The following COQ5 variants were observed in gnomAD, a reference collection of about 807,000 sequenced individuals.
COQ5 encodes the protein coenzyme Q5, methyltransferase.
In COQ5, 27 loss-of-function variants were observed where a neutral mutation model predicts 40.5. The ratio of observed to expected loss-of-function variants is 0.67; its 90% CI spans 0.49 to 0.92. The LOEUF (loss-of-function observed/expected upper bound fraction) is 0.92. COQ5 is among the 40% of genes least tolerant of loss of function. The pLI is 0.00. For missense variants in COQ5, 409 were observed against 406.4 expected (o/e 1.01, Z -0.06); for synonymous variants, 141 against 150.0 (o/e 0.94, Z 0.44).
At position 120,522,564 on chromosome 12, in the gene COQ5, T is replaced by C. The variant is rs559290775; in HGVS notation, c.203-201A>G. The C allele has an allele frequency of 2.1e-4, 139 of 649,076 alleles. No homozygotes were observed. In the African/African-American group the frequency reaches 2.4e-3, roughly 11 times the overall value. The allele number at this position is 649,076 out of a possible 1,614,324, so 40.2% of individuals were successfully genotyped here. A position where few individuals can be genotyped will look rare whatever the true frequency, so the allele number is the denominator to read the frequency against. ...TTTTTTTTTCCTGCCTCAGATTTAT[T>C]TGTACAAATAGCACAGGAGGACCCC... is the stretch of plus-strand genomic sequence containing the variant. On this transcript the variant is annotated intron_variant, in intron 1 of 6. Transcript: ENST00000288532.
rs770913958 is a variant in COQ5 at position 120,503,969 on chromosome 12, C to T, written c.882+1G>A. ...TGTTTAAAGCTATAGAAGTTTCATACCTGAGACGGAAACCTTCGGATACTC... is the reference window on the plus strand; with the variant it reads ...TGTTTAAAGCTATAGAAGTTTCATATCTGAGACGGAAACCTTCGGATACTC... On this transcript the variant is annotated splice_donor_variant, in intron 6 of 6. Coordinates refer to ENST00000288532, the MANE Select transcript of COQ5 (RefSeq NM_032314.4). LOFTEE classifies it high-confidence loss of function. 4 of 1,608,820 alleles carry T rather than the reference C, an allele frequency of 2.5e-6. No homozygotes were observed. The highest frequency in any genetic ancestry group is 2.6e-6 in the Non-Finnish European group (3 of 1,175,126).
intron 2 of COQ5, among the ~76,000 whole-genome samples, chr12:120,519,086 T>C (rs2137088171): frequency 6.6e-6 from 1 of 152,360 alleles, no homozygotes; most frequent in East Asian, 1.9e-4. Flanking sequence ...CTTGTAAGTT[T>C]TCCTTATTGT....
At chr12:120,504,532 G>A (rs532785899) in intron 5 of COQ5, 1 of 319,004 alleles carries the variant, frequency 3.1e-6, no homozygotes, top group South Asian at 2.8e-5. Flanking sequence ...ACAAGCATGA[G>A]CCACTGCACT....
At chr12:120,523,969 C>T (rs1001298206) in intron 1 of COQ5, 1 of 394,704 alleles carries the variant, frequency 2.5e-6, no homozygotes, top group South Asian at 1.8e-5. Flanking sequence ...GAAATTGGAC[C>T]ACTGCATTCC....
rs370720525 is a variant in COQ5, at chr12:120,513,665, G to A, written c.574+2902C>T. 3.4e-4 allele frequency among the ~76,000 whole-genome samples: 52 copies of A among 151,178 alleles called. No homozygotes were observed. In the East Asian group the frequency reaches 8.2e-3, roughly 24 times the overall value. Reference sequence around the variant, plus strand: ...CTCCTGAGTAGCTGGGATTACAGGCGCGCACCACCACGCCTGGCTAATTTT... The same window carrying A: ...CTCCTGAGTAGCTGGGATTACAGGCACGCACCACCACGCCTGGCTAATTTT... On this transcript the variant is annotated intron_variant, in intron 3 of 6. Coordinates refer to ENST00000288532, the MANE Select transcript of COQ5 (RefSeq NM_032314.4).
In COQ5 at chr12:120,522,159, C is replaced by T; in HGVS notation, c.352+55G>A. 5.0e-6 allele frequency: 8 copies of T among 1,597,326 alleles called. No individual in the cohort carries two copies. The South Asian group carries it at 8.8e-5, about 18-fold the overall frequency. On this transcript the variant is annotated intron_variant, in intron 2 of 6. Coordinates refer to ENST00000288532, the MANE Select transcript of COQ5 (RefSeq NM_032314.4). ...GTGAGCTAGCTCATTACAAGAGAGA[C>T]TAATTTCTGTAAAACATGCTCAATG... is the stretch of plus-strand genomic sequence containing the variant.
intron 2 of COQ5, among the ~76,000 whole-genome samples, chr12:120,519,171 G>A (rs560110349): frequency 1.3e-4 from 20 of 152,246 alleles, no homozygotes; most frequent in Middle Eastern, 3.4e-3. Flanking sequence ...GGAAGAAATA[G>A]GTTATTTCCA....
intron 2 of COQ5, among the ~76,000 whole-genome samples, chr12:120,519,299 C>T (rs1255563692): frequency 3.3e-5 from 5 of 152,176 alleles, no homozygotes; most frequent in Admixed American, 3.3e-4. Flanking sequence ...TGGGTCAGGC[C>T]TGTAATCTCA....
chr12:120,521,064 GTTT>G (rs35534303), intron 2 of COQ5, among the ~76,000 whole-genome samples: 1 of 123,700 alleles, frequency 8.1e-6, no homozygotes, highest in Admixed American at 8.4e-5. Context: ...GTAATCCTGC[GTTT>G]TTTTTTTTTT....
chr12:120,516,612 G>C lies in COQ5; in HGVS notation c.529C>G (p.Leu177Val). Residue 177 changes from leucine (L) to valine (V), a missense_variant, in exon 3 of 7, where the codon CTA becomes GTA. Coordinates refer to ENST00000288532, the MANE Select transcript of COQ5 (RefSeq NM_032314.4). Reference sequence around the variant, plus strand: ...AAGGCTTTCTGCTTTCCAACCTTTAGCATCTCCTTGTTGATGTCACACACC... The same window carrying C: ...AAGGCTTTCTGCTTTCCAACCTTTACCATCTCCTTGTTGATGTCACACACC... ...VVVCDINKEMLKVGKQKALAQ... is the reference protein window; with the variant it reads ...VVVCDINKEMVKVGKQKALAQ... The C allele has an allele frequency of 1.9e-6, 3 of 1,614,060 alleles. No individual in the cohort carries two copies. Among genetic ancestry groups the C allele is most frequent in the Non-Finnish European group, 2.5e-6 (3 of 1,180,008 alleles).
intron 3 of COQ5, among the ~76,000 whole-genome samples, chr12:120,512,007 C>A (rs1195461666): frequency 4.6e-5 from 7 of 151,714 alleles, no homozygotes; most frequent in Admixed American, 4.6e-4. Flanking sequence ...GTCAGGAGTT[C>A]AAGACCATCC....
At chr12:120,516,838 A>G (rs1565931629) in intron 2 of COQ5, 50 bp from the exon 3 acceptor site, 1 of 1,529,040 alleles carries the variant, frequency 6.5e-7, no homozygotes, top group Non-Finnish European at 9.1e-7. Flanking sequence ...AAAAATAAAA[A>G]AGGAAGAAAC....
At chr12:120,512,766 T>C (rs976495793) in intron 3 of COQ5, among the ~76,000 whole-genome samples, 11 of 152,120 alleles carry the variant, frequency 7.2e-5, no homozygotes, top group Non-Finnish European at 1.5e-5. Context: ...TTCTTCTTAA[T>C]ACTTTTCCAG....
chr12:120,516,767 A>G lies in COQ5; in HGVS notation c.374T>C (p.Leu125Pro), dbSNP rs775646935. 6.2e-7 allele frequency: 1 copy of G among 1,614,214 alleles called. No individual in the cohort carries two copies. Among genetic ancestry groups the G allele is most frequent in the Admixed American group, 1.7e-5 (1 of 60,020 alleles). The change falls in exon 3 of 7, where the codon CTT (leucine) becomes CCT (proline). Residue 125 changes from leucine (L) to proline (P), a missense_variant. Coordinates refer to ENST00000288532, the MANE Select transcript of COQ5 (RefSeq NM_032314.4). Reference sequence around the variant, plus strand: ...CTGATGCTGGGACTGAACATAATTAAGGAACCGGAATGCAATGTCACCTGT... The same window carrying G: ...CTGATGCTGGGACTGAACATAATTAGGGAACCGGAATGCAATGTCACCTGT... ...GGTGDIAFRF[L>P]NYVQSQHQRK...
chr12:120,522,382 A>G lies in COQ5; in HGVS notation c.203-19T>C. On this transcript the variant is annotated intron_variant, in intron 1 of 6. Coordinates refer to ENST00000288532, the MANE Select transcript of COQ5 (RefSeq NM_032314.4). ...TGATAGACTGACATGGGAGAAACAC[A>G]CACAATAGTGCTATTAACAGAATTC... The G allele has an allele frequency of 6.2e-7, 1 of 1,611,588 alleles. No homozygotes were observed. Among genetic ancestry groups the G allele is most frequent in the Non-Finnish European group, 8.5e-7 (1 of 1,177,660 alleles).
At chr12:120,517,022 G>GA (rs1394181878) in intron 2 of COQ5, among the ~76,000 whole-genome samples, 1 of 151,960 alleles carries the variant, frequency 6.6e-6, no homozygotes, top group Non-Finnish European at 1.5e-5. Context: ...TGTGAACGTG[G>GA]AAGTTTCTAC....
chr12:120,514,082 C>T (rs188783185), intron 3 of COQ5, among the ~76,000 whole-genome samples: 8 of 152,212 alleles, frequency 5.3e-5, no homozygotes, highest in African/African-American at 1.9e-4. Context: ...CTTTGTTTTC[C>T]GTTCTTTATG....
At chr12:120,508,514 TCA>T (rs974823785) in intron 4 of COQ5, among the ~76,000 whole-genome samples, 8 of 152,172 alleles carry the variant, frequency 5.3e-5, no homozygotes, top group African/African-American at 1.9e-4. Context: ...AATAAGGATG[TCA>T]CAAAGTTGTG....
Position 120,529,124 on chromosome 12 carries a change from G to T in COQ5, c.18C>A (p.Ser6Arg), listed in dbSNP as rs1402957955. Residue 6 changes from serine to arginine, a missense_variant, in exon 1 of 7, where the codon AGC (serine) becomes AGA (arginine). By Grantham distance (110) the Ser-to-Arg change is moderately radical (BLOSUM62 -1). Transcript: ENST00000288532. MAAPG[S>R]CALWSYCGRG... The stretch of plus-strand genomic sequence containing the variant: ...GGCCGCAATAGCTCCATAGAGCACA[G>T]CTCCCGGGGGCCGCCATCTTGGTAG... 6.2e-7 allele frequency: 1 copy of T among 1,613,682 alleles called. No individual in the cohort carries two copies.
Sources: gnomAD v4.1 joint callset for allele counts (sites outside exome capture counted in the v4.1 genomes callset) on GRCh38, gnomAD v4.1.1 for gene constraint, MANE v1.5 for transcripts, NCBI Gene and HGNC (gene_info 2026-07-23, HGNC 2026-07-21) for gene names.